Variants in PRDX3 observed in about 807,000 individuals in gnomAD.
PRDX3 encodes the protein thioredoxin-dependent peroxide reductase, mitochondrial.
In PRDX3, 20 loss-of-function variants were observed where a neutral mutation model predicts 30.4. That is an observed-to-expected ratio of 0.66 (90% confidence interval 0.46 to 0.96). The LOEUF (loss-of-function observed/expected upper bound fraction) is 0.96, where lower values mean the gene tolerates loss of function less well. Ranked by LOEUF, PRDX3 falls within the 40% of genes least tolerant of loss-of-function variation. The probability of loss-of-function intolerance (pLI) is 0.00; values close to 1 mark genes in which losing one functional copy is unlikely to be tolerated. For missense variants in PRDX3, 322 were observed against 318.3 expected (o/e 1.01, Z -0.09); for synonymous variants, 124 against 117.8 (o/e 1.05, Z -0.34).
rs759604849 is a variant in PRDX3, at chr10:119,173,793, C to A, written c.391G>T (p.Ala131Ser). 6.2e-7 allele frequency: 1 copy of A among 1,612,220 alleles called. No individual in the cohort carries two copies. Residue 131 changes from alanine (A) to serine (S), a missense_variant, in exon 4 of 7, where the codon GCA (alanine) becomes TCA (serine). Physicochemically the swap from Ala to Ser is moderately conservative, Grantham distance 99 (BLOSUM62 1). Transcript: ENST00000298510. The stretch of plus-strand genomic sequence containing the variant: ...CTAAAGTGGGAATCCACTGAGACTG[C>A]GACAACTTCACAGTTCACGTCGTGA... ...EFHDVNCEVV[A>S]VSVDSHFSHL...
At chr10:119,172,961 T>C (rs1232581025) in intron 4 of PRDX3, among the ~76,000 whole-genome samples, 2 of 151,996 alleles carry the variant, frequency 1.3e-5, no homozygotes, top group Admixed American at 6.6e-5. Flanking sequence ...TATTTTGAGA[T>C]GGAGTCTCGC....
intron 2 of PRDX3, among the ~76,000 whole-genome samples, chr10:119,174,989 C>T (rs1847993494): frequency 6.6e-6 from 1 of 152,154 alleles, no homozygotes. Flanking sequence ...ATCCATTTTT[C>T]CCTCCCAATA....
Position 119,168,486 on chromosome 10 carries a change from A to G in PRDX3, c.765T>C (p.Asn255=), listed in dbSNP as rs762595184. The G allele has an allele frequency of 6.8e-5, 109 of 1,613,690 alleles. No individual in the cohort carries two copies. In the South Asian group the frequency reaches 1.2e-3, roughly 17 times the overall value. The change falls in exon 7 of 7, where the codon AAT becomes AAC. Residue 255 remains asparagine (N), a synonymous_variant. Coordinates refer to ENST00000298510, the MANE Select transcript of PRDX3 (RefSeq NM_006793.5). ...AASKEYFQKV[N]Q ...GCAGATACACATGGGTGATCTACTG[A>G]TTTACCTTCTGAAAGTACTCTTTGG...
chr10:119,169,712 G>A (rs551909719), intron 5 of PRDX3: 1 of 159,428 alleles, frequency 6.3e-6, no homozygotes, highest in African/African-American at 2.4e-5. Flanking sequence ...GAAACTTATA[G>A]GCAAATGGGA....
intron 2 of PRDX3, among the ~76,000 whole-genome samples, chr10:119,176,407 A>C (rs996677617): frequency 1.7e-4 from 26 of 152,364 alleles, no homozygotes; most frequent in African/African-American, 5.0e-4. Flanking sequence ...TTACTAAAGT[A>C]TATCCCCACA....
chr10:119,174,595 G>A lies in PRDX3; in HGVS notation c.170-3C>T, dbSNP rs1847983549. 6.3e-7 allele frequency: 1 copy of A among 1,575,436 alleles called. No individual in the cohort carries two copies. Among genetic ancestry groups the A allele is most frequent in the Non-Finnish European group, 8.6e-7 (1 of 1,167,848 alleles). On this transcript the variant is annotated splice_region_variant and splice_polypyrimidine_tract_variant and intron_variant, in intron 2 of 6. Coordinates refer to ENST00000298510, the MANE Select transcript of PRDX3 (RefSeq NM_006793.5). The stretch of plus-strand genomic sequence containing the variant: ...AGCAGGTGCATGGCATGAGGAACCT[G>A]AAAAAAAACCCACACTCATATGGAG...
chr10:119,172,031 G>A (rs1312208898), intron 5 of PRDX3, among the ~76,000 whole-genome samples: 1 of 152,232 alleles, frequency 6.6e-6, no homozygotes, highest in African/African-American at 2.4e-5. Flanking sequence ...TGGTGGAGGG[G>A]ACATGCATGT....
intron 5 of PRDX3, among the ~76,000 whole-genome samples, chr10:119,171,931 T>C (rs1041681952): frequency 6.6e-6 from 1 of 152,122 alleles, no homozygotes; most frequent in Admixed American, 6.6e-5. Context: ...CAGGTGTGTG[T>C]CCCCATGGAA....
At chr10:119,168,805 G>A (rs1308363670) in intron 6 of PRDX3, among the ~76,000 whole-genome samples, 7 of 152,174 alleles carry the variant, frequency 4.6e-5, no homozygotes, top group East Asian at 1.9e-4. Flanking sequence ...GTGAAACCCC[G>A]TCTCTACTAA....
chr10:119,174,373 G>T, intron 3 of PRDX3, 78 bp downstream of exon 3: 1 of 1,460,948 alleles, frequency 6.8e-7, no homozygotes, highest in Middle Eastern at 2.6e-4. Flanking sequence ...GGTATCTAGG[G>T]ATAGACAATT....
Position 119,178,783 on chromosome 10 carries a change from G to A in PRDX3, c.8C>T (p.Ala3Val), listed in dbSNP as rs770221597. 251 of 1,552,988 alleles carry A rather than the reference G, an allele frequency of 1.6e-4. 2 individuals are homozygous for A. The highest frequency in any genetic ancestry group is 3.9e-4 in the South Asian group (33 of 84,230). The change falls in exon 1 of 7, where the codon GCT becomes GTT. Residue 3 changes from alanine to valine, a missense_variant. Ala to Val is a moderately conservative substitution (Grantham distance 64, BLOSUM62 0). Coordinates refer to ENST00000298510, the MANE Select transcript of PRDX3 (RefSeq NM_006793.5). Reference protein sequence around the residue: MAAAVGRLLRASV... With the variant: MAVAVGRLLRASV... ...CGCTCGGAGCAACCGTCCTACAGCA[G>A]CCGCCATCTTCAGTGCACTCGGGCG...
At chr10:119,169,070 C>A in intron 6 of PRDX3, 107 bp downstream of exon 6, 7 of 1,047,714 alleles carry the variant, frequency 6.7e-6, no homozygotes, top group Non-Finnish European at 8.2e-6. Context: ...TGCATATCAT[C>A]TGCACGCTTG....
Position 119,172,458 on chromosome 10 carries a change from C to A in PRDX3, c.475G>T (p.Ala159Ser). Residue 159 changes from alanine (A) to serine (S), a missense_variant, in exon 5 of 7, where the codon GCA becomes TCA. Transcript: ENST00000298510. ...KNGGLGHMNI[A>S]LLSDLTKQIS... is the part of the protein sequence containing the mutation. ...TGCTTAGTTAAGTCTGACAAGAGTG[C>A]GATGTTCATGTGGCCCAAACCACCA... is the stretch of plus-strand genomic sequence containing the variant. 3 of 1,614,024 alleles carry A rather than the reference C, an allele frequency of 1.9e-6. No individual in the cohort carries two copies. The highest frequency in any genetic ancestry group is 2.2e-5 in the South Asian group (2 of 91,080).
intron 5 of PRDX3, 143 bp downstream of exon 5, chr10:119,172,239 C>T (rs953769587): frequency 1.2e-5 from 8 of 684,992 alleles, no homozygotes; most frequent in Non-Finnish European, 1.2e-5. Flanking sequence ...CAAAGTGCTA[C>T]GATTACAGGC....
chr10:119,173,336 G>A (rs1302976462), intron 4 of PRDX3, among the ~76,000 whole-genome samples: 1 of 152,226 alleles, frequency 6.6e-6, no homozygotes, highest in Non-Finnish European at 1.5e-5. Context: ...TAGGCCAGGT[G>A]TGGTGGCTCA....
At chr10:119,175,320 C>G (rs1236412581) in intron 2 of PRDX3, among the ~76,000 whole-genome samples, 1 of 152,180 alleles carries the variant, frequency 6.6e-6, no homozygotes, top group African/African-American at 2.4e-5. Flanking sequence ...GAGTGAAGAG[C>G]AGGCAGCAGG....
At chr10:119,177,327 C>T (rs1848059512) in intron 1 of PRDX3, among the ~76,000 whole-genome samples, 174 bp from the exon 2 acceptor site, 1 of 152,196 alleles carries the variant, frequency 6.6e-6, no homozygotes, top group Non-Finnish European at 1.5e-5. Flanking sequence ...CTTCTGCTTC[C>T]TTCTCCTAGG....
chr10:119,173,762 A>G lies in PRDX3; in HGVS notation c.422T>C (p.Leu141Pro), dbSNP rs772450063. ...AVSVDSHFSH[L>P]AWINTPRKNG... ...CTTTCTTGGTGTATTTATCCAGGCAAGATGGCTAAAGTGGGAATCCACTGA... is the reference window on the plus strand; with the variant it reads ...CTTTCTTGGTGTATTTATCCAGGCAGGATGGCTAAAGTGGGAATCCACTGA... Residue 141 changes from leucine (L) to proline (P), a missense_variant, in exon 4 of 7, where the codon CTT becomes CCT. Coordinates refer to ENST00000298510, the MANE Select transcript of PRDX3 (RefSeq NM_006793.5). The G allele has an allele frequency of 6.2e-6, 10 of 1,612,332 alleles. No individual in the cohort carries two copies. Among genetic ancestry groups the G allele is most frequent in the Non-Finnish European group, 8.5e-6 (10 of 1,179,944 alleles).
chr10:119,173,486 G>A (rs760562220), intron 4 of PRDX3, among the ~76,000 whole-genome samples: 2 of 151,960 alleles, frequency 1.3e-5, no homozygotes, highest in African/African-American at 2.4e-5. Flanking sequence ...ACACATGCCT[G>A]TAATCCCAGC....
Sources: gnomAD v4.1 joint callset for allele counts (sites outside exome capture counted in the v4.1 genomes callset) on GRCh38, gnomAD v4.1.1 for gene constraint, MANE v1.5 for transcripts, NCBI Gene and HGNC (gene_info 2026-07-23, HGNC 2026-07-21) for gene names.